RAB23: variants seen among roughly 807,000 people sequenced by gnomAD.
RAB23 encodes the protein ras-related protein Rab-23.
RAB23 carries 15 observed loss-of-function variants against 30.0 expected under a neutral mutation model. That is an observed-to-expected ratio of 0.50 (90% CI 0.33 to 0.77). The LOEUF is 0.77. Ranked by LOEUF, RAB23 falls within the 30% of genes least tolerant of loss-of-function variation. The pLI is 0.02. For missense variants in RAB23, 243 were observed against 275.4 expected, an observed-to-expected ratio of 0.88 and a Z score of 0.83; for synonymous variants, 93 against 94.0, an observed-to-expected ratio of 0.99 and a Z score of 0.06.
At position 57,188,233 on chromosome 6, in the gene RAB23, A is replaced by C. The variant is rs940934891; in HGVS notation, c.*2228T>G. ...AAGGCTTTAAGAATTGATTAAATTGAGAAATTAACATGGCTGACTTTCAGG... is the reference window on the plus strand; with the variant it reads ...AAGGCTTTAAGAATTGATTAAATTGCGAAATTAACATGGCTGACTTTCAGG... On this transcript the variant is annotated 3_prime_UTR_variant, in exon 7 of 7. Transcript: ENST00000468148. 6.6e-6 allele frequency: 1 copy of C among 152,206 alleles called. No individual in the cohort carries two copies. The highest frequency in any genetic ancestry group is 1.5e-5 in the Non-Finnish European group (1 of 68,014). The allele number at this position is 152,206 out of a possible 1,614,324, so 9.4% of individuals were successfully genotyped here.
At position 57,207,714 on chromosome 6, in the gene RAB23, C is replaced by G. The variant is rs373724159; in HGVS notation, c.156-1G>C. ...TAGTCTGACATCTTCATCATTAACT[C>G]TAAAACAAGAGATGAATTTATTTCA... On this transcript the variant is annotated splice_acceptor_variant, in intron 2 of 6. Transcript: ENST00000468148. LOFTEE classifies it high-confidence loss of function. 5 of 1,571,906 alleles carry G rather than the reference C, an allele frequency of 3.2e-6. No individual in the cohort carries two copies. The highest frequency in any genetic ancestry group is 4.4e-6 in the Non-Finnish European group (5 of 1,143,112).
chr6:57,211,791 G>C (rs1765665509), intron 1 of RAB23, among the ~76,000 whole-genome samples: 1 of 152,194 alleles, frequency 6.6e-6, no homozygotes, highest in African/African-American at 2.4e-5. Flanking sequence ...AGAATGAAAA[G>C]AACAGAAAGT....
chr6:57,214,460 G>A (rs759820310), intron 1 of RAB23, among the ~76,000 whole-genome samples: 19 of 152,104 alleles, frequency 1.2e-4, no homozygotes, highest in African/African-American at 4.1e-4. Context: ...ACACCACCAC[G>A]CCTGGCTAGT....
chr6:57,209,065 C>G (rs1197925720), intron 2 of RAB23, among the ~76,000 whole-genome samples: 1 of 152,078 alleles, frequency 6.6e-6, no homozygotes, highest in Non-Finnish European at 1.5e-5. Flanking sequence ...CACTTAGGAG[C>G]CTTCTTAAAC....
chr6:57,201,334 T>G (rs1460304247), intron 3 of RAB23, among the ~76,000 whole-genome samples: 1 of 152,106 alleles, frequency 6.6e-6, no homozygotes, highest in African/African-American at 2.4e-5. Context: ...CCGCCCATCT[T>G]GGCCTCCCAA....
At chr6:57,216,238 A>C (rs1370571819) in intron 1 of RAB23, among the ~76,000 whole-genome samples, 2 of 152,234 alleles carry the variant, frequency 1.3e-5, no homozygotes, top group Non-Finnish European at 2.9e-5. Context: ...AGTACATTTT[A>C]GTATGTTCAC....
At chr6:57,208,574 G>A (rs564246866) in intron 2 of RAB23, among the ~76,000 whole-genome samples, 4 of 147,204 alleles carry the variant, frequency 2.7e-5, no homozygotes, top group African/African-American at 1.0e-4. Context: ...TTGAGCCTGG[G>A]AGGTGGAGCA....
At chr6:57,214,375 G>A (rs1052800183) in intron 1 of RAB23, among the ~76,000 whole-genome samples, 1 of 151,956 alleles carries the variant, frequency 6.6e-6, no homozygotes, top group African/African-American at 2.4e-5. Flanking sequence ...AGTGCAGTGG[G>A]GTGAACACAG....
At chr6:57,198,471 G>A (rs187915777) in intron 3 of RAB23, among the ~76,000 whole-genome samples, 113 of 152,064 alleles carry the variant, frequency 7.4e-4, no homozygotes, top group African/African-American at 2.5e-3. Flanking sequence ...CCGAGATCGC[G>A]CCACTGCAAG....
At position 57,210,387 on chromosome 6, in the gene RAB23, A is replaced by C. The variant is rs771652499; in HGVS notation, c.-7T>G. 1.9e-6 allele frequency: 3 copies of C among 1,613,800 alleles called. No homozygotes were observed. The African/African-American group carries it at 4.0e-5, about 22-fold the overall frequency. ...CCATATCTTCCTCCAACATTTTTGG[A>C]GCTGAAATGGTTTCTGTACCAACTC... On this transcript the variant is annotated 5_prime_UTR_variant, in exon 2 of 7. Coordinates refer to ENST00000468148, the MANE Select transcript of RAB23 (RefSeq NM_016277.5).
In RAB23 at chr6:57,189,642, T is replaced by C. The variant is rs1764756412; in HGVS notation, c.*819A>G. The stretch of plus-strand genomic sequence containing the variant: ...AGCATTCAAATTCCTATACTCCTCT[T>C]TTATCTACGCTGTCAGATGAAAACT... On this transcript the variant is annotated 3_prime_UTR_variant, in exon 7 of 7. Coordinates refer to ENST00000468148, the MANE Select transcript of RAB23 (RefSeq NM_016277.5). The C allele has an allele frequency of 6.6e-6, 1 of 152,644 alleles. No homozygotes were observed. Among genetic ancestry groups the C allele is most frequent in the South Asian group, 2.1e-4 (1 of 4,828 alleles). 9.5% of individuals were successfully genotyped at this position (152,644 alleles called of 1,614,324 possible).
At chr6:57,203,598 G>A (rs1196376398) in intron 3 of RAB23, among the ~76,000 whole-genome samples, 1 of 152,016 alleles carries the variant, frequency 6.6e-6, no homozygotes, top group Non-Finnish European at 1.5e-5. Flanking sequence ...GGAAGGTAGT[G>A]GTAATAACCC....
At position 57,187,237 on chromosome 6, in the gene RAB23, A is replaced by ATAT. The variant is rs1764636015; in HGVS notation, c.*3221_*3223dup. 6.6e-6 allele frequency: 1 copy of ATAT among 152,216 alleles called. No homozygotes were observed. The highest frequency in any genetic ancestry group is 2.4e-5 in the African/African-American group (1 of 41,464). The allele number at this position is 152,216 out of a possible 1,614,324, so 9.4% of individuals were successfully genotyped here. A position where few individuals can be genotyped will look rare whatever the true frequency, so the allele number is the denominator to read the frequency against. ...ACCATTTACTAACATCCTACTGTAG[A>ATAT]TATTTCGAGAGACAGATGAAAATAA... On this transcript the variant is annotated 3_prime_UTR_variant, in exon 7 of 7. Transcript: ENST00000468148.
rs548000869 is a variant in RAB23, at chr6:57,203,225, C to T, written c.241+4403G>A. 7.7e-4 allele frequency among the ~76,000 whole-genome samples: 117 copies of T among 152,150 alleles called. 1 individual carries two copies. Among genetic ancestry groups the T allele is most frequent in the African/African-American group, 2.7e-3 (111 of 41,534 alleles). ...TTCACCATATTGGCCAGGCTGGTCT[C>T]GAACTCCTGACCTCAGGTGACCTGC... On this transcript the variant is annotated intron_variant, in intron 3 of 6. Coordinates refer to ENST00000468148, the MANE Select transcript of RAB23 (RefSeq NM_016277.5).
intron 3 of RAB23, among the ~76,000 whole-genome samples, chr6:57,199,267 T>C (rs956457813): frequency 6.6e-6 from 1 of 152,160 alleles, no homozygotes; most frequent in Non-Finnish European, 1.5e-5. Context: ...GGGGGTGGAA[T>C]GAACACCTCA....
Position 57,188,591 on chromosome 6 carries a change from A to G in RAB23, c.*1870T>C, listed in dbSNP as rs960965551. The G allele has an allele frequency of 2.0e-5, 3 of 152,196 alleles. No individual in the cohort carries two copies. The highest frequency in any genetic ancestry group is 2.9e-5 in the Non-Finnish European group (2 of 68,010). The allele number at this position is 152,196 out of a possible 1,614,324, so 9.4% of individuals were successfully genotyped here. The stretch of plus-strand genomic sequence containing the variant: ...AAAATTAAAGAGGAGAGTAGAGAGT[A>G]GAAAATTGAAGAGAGTAGAAAAGAT... On this transcript the variant is annotated 3_prime_UTR_variant, in exon 7 of 7. Transcript: ENST00000468148.
intron 2 of RAB23, 71 bp downstream of exon 2, chr6:57,210,155 C>CTAT: frequency 6.6e-7 from 1 of 1,518,058 alleles, no homozygotes; most frequent in South Asian, 1.1e-5. Context: ...AATCAGTTAA[C>CTAT]TATTACTCCA....
intron 2 of RAB23, among the ~76,000 whole-genome samples, chr6:57,209,904 AGCAGTT>A (rs932020751): frequency 6.6e-6 from 1 of 152,212 alleles, no homozygotes; most frequent in African/African-American, 2.4e-5. Context: ...CAAAGAAAAT[AGCAGTT>A]GGAAATCTCA....
In RAB23 at chr6:57,188,950, A is replaced by ACAT. The variant is rs1741005778; in HGVS notation, c.*1508_*1510dup. 6.6e-6 allele frequency: 1 copy of ACAT among 152,184 alleles called. No homozygotes were observed. The highest frequency in any genetic ancestry group is 1.5e-5 in the Non-Finnish European group (1 of 68,010). The allele number at this position is 152,184 out of a possible 1,614,324, so 9.4% of individuals were successfully genotyped here. A position where few individuals can be genotyped will look rare whatever the true frequency, so the allele number is the denominator to read the frequency against. On this transcript the variant is annotated 3_prime_UTR_variant, in exon 7 of 7. Coordinates refer to ENST00000468148, the MANE Select transcript of RAB23 (RefSeq NM_016277.5). ...ATAAAACACAAAAGGAGTACATAAA[A>ACAT]CATTGTTTAGTACAAATAATGAAAA...
Sources: gnomAD v4.1 joint callset for allele counts (sites outside exome capture counted in the v4.1 genomes callset) on GRCh38, gnomAD v4.1.1 for gene constraint, MANE v1.5 for transcripts, NCBI Gene and HGNC (gene_info 2026-07-23, HGNC 2026-07-21) for gene names.